CEP350: variants seen among roughly 807,000 people sequenced by gnomAD.
CEP350 encodes centrosomal protein 350.
CEP350 carries 126 observed loss-of-function variants against 331.8 expected under a neutral mutation model. The observed-to-expected ratio is 0.38, with a 90% CI of 0.33 to 0.44. The LOEUF is 0.44. CEP350 is among the 20% of genes least tolerant of loss of function. CEP350 has a pLI of 1.00. For missense variants in CEP350, 3,406 were observed against 3,634.6 expected, an observed-to-expected ratio of 0.94 and a Z score of 1.62; for synonymous variants, 1,200 against 1,259.5, an observed-to-expected ratio of 0.95 and a Z score of 1.00.
chr1:180,073,402 A>G (rs996951767), intron 27 of CEP350, among the ~76,000 whole-genome samples: 4 of 152,226 alleles, frequency 2.6e-5, no homozygotes, highest in African/African-American at 4.8e-5. Context: ...TCAGGATTAC[A>G]TATGTGTGTA....
chr1:179,955,124 G>A lies in CEP350; in HGVS notation c.-32G>A. The A allele has an allele frequency of 6.8e-7, 1 of 1,473,210 alleles. No homozygotes were observed. Among genetic ancestry groups the A allele is most frequent in the South Asian group, 1.3e-5 (1 of 79,170 alleles). 91.3% of individuals were successfully genotyped at this position (1,473,210 alleles called of 1,614,324 possible). A position where few individuals can be genotyped will look rare whatever the true frequency, so the allele number is the denominator to read the frequency against. On this transcript the variant is annotated 5_prime_UTR_variant, in exon 1 of 38. Transcript: ENST00000367607. The stretch of plus-strand genomic sequence containing the variant: ...GCGGGATGCACCGTGGTAGCCGAGG[G>A]CGGAGGCGACACTCTCAGGTGAGCT...
intron 22 of CEP350, among the ~76,000 whole-genome samples, chr1:180,051,985 A>C (rs1657529395): frequency 6.6e-6 from 1 of 152,246 alleles, no homozygotes; most frequent in Non-Finnish European, 1.5e-5. Flanking sequence ...GAAGACTAGA[A>C]TGAACTCTGG....
intron 1 of CEP350, among the ~76,000 whole-genome samples, chr1:179,985,685 G>A (rs1652596538): frequency 6.6e-6 from 1 of 152,128 alleles, no homozygotes; most frequent in Admixed American, 6.5e-5. Flanking sequence ...GTGCAAGCAG[G>A]GGAAATGCCA....
chr1:180,027,516 C>T (rs755368254), intron 14 of CEP350, among the ~76,000 whole-genome samples: 14 of 152,080 alleles, frequency 9.2e-5, no homozygotes, highest in Non-Finnish European at 2.1e-4. Flanking sequence ...TCCCAAGTAG[C>T]TGGGACTACA....
chr1:180,042,049 A>G (rs952253941), intron 19 of CEP350, among the ~76,000 whole-genome samples: 20 of 152,154 alleles, frequency 1.3e-4, no homozygotes, highest in Admixed American at 1.1e-3. Context: ...TAAGCTTTTT[A>G]GAAAAATATC....
At chr1:179,969,550 G>A (rs1054599588) in intron 1 of CEP350, 2 of 351,656 alleles carry the variant, frequency 5.7e-6, no homozygotes, top group Non-Finnish European at 1.1e-5. Flanking sequence ...ATGGAAACAG[G>A]GTTGATGGAA....
chr1:180,024,947 C>CG (rs1655570270), intron 14 of CEP350, among the ~76,000 whole-genome samples: 1 of 147,908 alleles, frequency 6.8e-6, no homozygotes. Flanking sequence ...TTTTTTGAGA[C>CG]GGAGTCTCAC....
chr1:180,069,423 G>A (rs1031548779), intron 27 of CEP350, among the ~76,000 whole-genome samples: 2 of 152,094 alleles, frequency 1.3e-5, no homozygotes, highest in Admixed American at 6.6e-5. Context: ...TTCCATTAAA[G>A]GAGATATTTT....
At chr1:180,062,175 G>A in intron 25 of CEP350, 45 bp from the exon 26 acceptor site, 4 of 1,466,792 alleles carry the variant, frequency 2.7e-6, no homozygotes, top group East Asian at 2.5e-5. Flanking sequence ...CTTTGGCCTT[G>A]TCTTCTCCCA....
chr1:180,078,545 C>A lies in CEP350; in HGVS notation c.5850C>A (p.Ser1950Arg), dbSNP rs1322757254. ...SESSIPEELG[S>R]PAVEYVPSES... is the part of the protein sequence containing the mutation. ...GCTCCATTCCAGAAGAATTAGGCAG[C>A]CCTGCTGTTGAATATGTACCATCCG... The change falls in exon 29 of 38, where the codon AGC (serine) becomes AGA (arginine). Residue 1950 changes from serine to arginine, a missense_variant. Transcript: ENST00000367607. 6.8e-6 allele frequency: 11 copies of A among 1,613,446 alleles called. No individual in the cohort carries two copies. The highest frequency in any genetic ancestry group is 9.3e-6 in the Non-Finnish European group (11 of 1,179,744).
Position 180,037,104 on chromosome 1 carries a change from T to C in CEP350, c.4110+15T>C. On this transcript the variant is annotated intron_variant, in intron 17 of 37. Coordinates refer to ENST00000367607, the MANE Select transcript of CEP350 (RefSeq NM_014810.5). ...AGATAATAAAGGTATTTTTGGAGTT[T>C]TTTAGCTTTCTGTGGTTTTTCTTTT... 1 of 1,546,884 alleles carries C rather than the reference T, an allele frequency of 6.5e-7. No individual in the cohort carries two copies. Among genetic ancestry groups the C allele is most frequent in the Non-Finnish European group, 8.7e-7 (1 of 1,152,058 alleles).
In CEP350 at chr1:180,041,151, G is replaced by A. The variant is rs754615992; in HGVS notation, c.4124G>A (p.Arg1375His). ...ATTATTTTGAAGGCACAACAGCAAC[G>A]CCATGAAAGAGACTTGGCCCTCTTG... ...LAQIIKAQQQRHERDLALLKL... is the reference protein window; with the variant it reads ...LAQIIKAQQQHHERDLALLKL... Residue 1375 changes from arginine (R) to histidine (H), a missense_variant, in exon 18 of 38, where the codon CGC becomes CAC. By Grantham distance (29) the Arg-to-His change is conservative. Transcript: ENST00000367607. 31 of 1,592,754 alleles carry A rather than the reference G, an allele frequency of 1.9e-5. No homozygotes were observed. Among genetic ancestry groups the A allele is most frequent in the Middle Eastern group, 3.3e-4 (2 of 6,058 alleles).
chr1:180,060,011 A>T (rs955051782), intron 25 of CEP350, among the ~76,000 whole-genome samples: 12 of 152,110 alleles, frequency 7.9e-5, no homozygotes, highest in Non-Finnish European at 1.8e-4. Context: ...CAATAAAGAG[A>T]TTTGCAAAAC....
chr1:180,092,284 A>G lies in CEP350; in HGVS notation c.6509-330A>G, dbSNP rs191413462. ...AGTTTCCTGTTTGAAAAATGTTTGTAATAACCATCATACAATTCTATTTTT... is the reference window on the plus strand; with the variant it reads ...AGTTTCCTGTTTGAAAAATGTTTGTGATAACCATCATACAATTCTATTTTT... On this transcript the variant is annotated intron_variant, in intron 33 of 37. Coordinates refer to ENST00000367607, the MANE Select transcript of CEP350 (RefSeq NM_014810.5). 1.9e-3 allele frequency among the ~76,000 whole-genome samples: 291 copies of G among 152,302 alleles called. 1 individual carries two copies. Among genetic ancestry groups the G allele is most frequent in the Middle Eastern group, 6.8e-3 (2 of 294 alleles).
chr1:179,981,399 TA>T (rs1442255955), intron 1 of CEP350, among the ~76,000 whole-genome samples: 1 of 152,212 alleles, frequency 6.6e-6, no homozygotes, highest in African/African-American at 2.4e-5. Flanking sequence ...TTTGACTTGG[TA>T]AACACTTAAA....
Position 180,014,112 on chromosome 1 carries a change from C to T in CEP350, c.1659C>T (p.Asn553=). The T allele has an allele frequency of 6.2e-7, 1 of 1,610,816 alleles. No homozygotes were observed. Among genetic ancestry groups the T allele is most frequent in the Non-Finnish European group, 8.5e-7 (1 of 1,178,500 alleles). ...AGCAAGATACTGTAGAGTTACAGAA[C>T]CAGAAGTCATCAGCACCAGTACATG... ...TAKQDTVELQ[N]QKSSAPVHAP... Residue 553 remains asparagine, a synonymous_variant, in exon 10 of 38, where the codon AAC becomes AAT. Transcript: ENST00000367607.
chr1:180,090,545 C>CAAAAAAAAAAA lies in CEP350; in HGVS notation c.6426-154_6426-144dup, dbSNP rs36128628. ...TGGGCGACAGAGCGAGACTCCGTCTCAAAAAAAAAAAAAAAAAAAAAAAAA... is the reference window on the plus strand; with the variant it reads ...TGGGCGACAGAGCGAGACTCCGTCTCAAAAAAAAAAAAAAAAAAAAAAAAAAAAAAAAAAAA... On this transcript the variant is annotated intron_variant, in intron 32 of 37. Transcript: ENST00000367607. Among the ~76,000 whole-genome samples, 150 of 77,358 alleles carry CAAAAAAAAAAA rather than the reference C, an allele frequency of 1.9e-3. 5 individuals carry two copies. The highest frequency in any genetic ancestry group is 3.2e-3 in the Non-Finnish European group (138 of 43,596). 50.7% of individuals were successfully genotyped at this position (77,358 alleles called of 152,430 possible).
Position 180,093,894 on chromosome 1 carries a change from G to T in CEP350, c.7789G>T (p.Asp2597Tyr), listed in dbSNP as rs1314123315. Residue 2597 changes from aspartate to tyrosine, a missense_variant, in exon 34 of 38, where the codon GAT becomes TAT. Asp to Tyr is a radical substitution (Grantham distance 160). Around this residue, in one of 5 missense-constraint regions of CEP350, gnomAD observed 1,415 missense variants for 1,512.3 expected, o/e 0.94. Coordinates refer to ENST00000367607, the MANE Select transcript of CEP350 (RefSeq NM_014810.5). ...TCAGTGCTATAATCAAGAGCAAAATGATACAGAGGGTCCAAAAGACAGAGA... is the reference window on the plus strand; with the variant it reads ...TCAGTGCTATAATCAAGAGCAAAATTATACAGAGGGTCCAAAAGACAGAGA... ...RYQCYNQEQN[D>Y]TEGPKDREKD... The T allele has an allele frequency of 6.2e-7, 1 of 1,613,686 alleles. No homozygotes were observed. Among genetic ancestry groups the T allele is most frequent in the East Asian group, 2.2e-5 (1 of 44,892 alleles).
chr1:179,957,736 G>A (rs1650273274), intron 1 of CEP350, among the ~76,000 whole-genome samples: 1 of 152,140 alleles, frequency 6.6e-6, no homozygotes, highest in African/African-American at 2.4e-5. Context: ...GACAGCCTGG[G>A]ATTAAAAAGC....
Sources: allele counts gnomAD v4.1 joint callset (sites outside exome capture counted in the v4.1 genomes callset), GRCh38; gene constraint gnomAD v4.1.1; regional missense constraint gnomAD v4.1.1; transcripts MANE v1.5; gene names NCBI Gene and HGNC (gene_info 2026-07-23, HGNC 2026-07-21).